LEMD3: variants seen among roughly 807,000 people sequenced by gnomAD.
LEMD3 encodes the protein inner nuclear membrane protein Man1.
Under a neutral mutation model 95.2 loss-of-function variants are expected in LEMD3, and 33 were observed. The ratio of observed to expected loss-of-function variants is 0.35; its 90% CI spans 0.26 to 0.46. LEMD3 has a LOEUF of 0.46. LEMD3 is among the 20% of genes least tolerant of loss of function. The pLI, the probability that LEMD3 is intolerant of heterozygous loss-of-function variation, is 1.00. For synonymous variants in LEMD3, 525 were observed against 474.6 expected, an observed-to-expected ratio of 1.11 and a Z score of -1.38; for missense variants, 1,210 against 1,192.8, an observed-to-expected ratio of 1.01 and a Z score of -0.21.
chr12:65,218,076 T>G (rs1870164007), intron 3 of LEMD3, among the ~76,000 whole-genome samples: 1 of 152,248 alleles, frequency 6.6e-6, no homozygotes, highest in Admixed American at 6.5e-5. Context: ...ATTAATAAAT[T>G]CAAACTTATT....
At chr12:65,245,638 G>T (rs1871082920) in intron 10 of LEMD3, 31 bp from the exon 11 acceptor site, 1 of 1,448,302 alleles carries the variant, frequency 6.9e-7, no homozygotes, top group Non-Finnish European at 9.7e-7. Flanking sequence ...TAGGAATATG[G>T]TTGTTGATTT....
At chr12:65,228,446 A>T (rs1291984763) in intron 4 of LEMD3, among the ~76,000 whole-genome samples, 7 of 148,294 alleles carry the variant, frequency 4.7e-5, no homozygotes, top group African/African-American at 1.7e-4. Flanking sequence ...CCCAGGCTGG[A>T]GTGCAGTGGC....
chr12:65,175,827 T>C (rs574001297), intron 1 of LEMD3, among the ~76,000 whole-genome samples: 2 of 152,204 alleles, frequency 1.3e-5, no homozygotes, highest in Non-Finnish European at 2.9e-5. Context: ...TATGTACCAA[T>C]ACCATCTGAC....
intron 4 of LEMD3, among the ~76,000 whole-genome samples, chr12:65,237,411 G>T (rs1447815357): frequency 6.6e-6 from 1 of 152,134 alleles, no homozygotes; most frequent in Non-Finnish European, 1.5e-5. Flanking sequence ...TCAGGTAATT[G>T]TAGATAGATA....
intron 1 of LEMD3, among the ~76,000 whole-genome samples, chr12:65,196,603 T>C (rs1412726923): frequency 6.6e-6 from 1 of 152,048 alleles, no homozygotes; most frequent in Non-Finnish European, 1.5e-5. Context: ...TAACTTACCT[T>C]ATATAAGACT....
chr12:65,183,690 A>G lies in LEMD3; in HGVS notation c.1522+12572A>G, dbSNP rs560517291. Among the ~76,000 whole-genome samples, 30 of 152,272 alleles carry G rather than the reference A, an allele frequency of 2.0e-4. No homozygotes were observed. In the East Asian group the frequency reaches 5.2e-3, roughly 26 times the overall value. ...TTTTTTGTTTCTGTTGCACTGTTTTAAAGCACTGCCACTAGCGTTTGGGCA... is the reference window on the plus strand; with the variant it reads ...TTTTTTGTTTCTGTTGCACTGTTTTGAAGCACTGCCACTAGCGTTTGGGCA... On this transcript the variant is annotated intron_variant, in intron 1 of 12. Transcript: ENST00000308330.
At chr12:65,228,932 C>T (rs1565796001) in intron 4 of LEMD3, among the ~76,000 whole-genome samples, 2 of 152,014 alleles carry the variant, frequency 1.3e-5, no homozygotes, top group Non-Finnish European at 2.9e-5. Context: ...GAATTTATTC[C>T]TCCTACCTAG....
intron 1 of LEMD3, 143 bp downstream of exon 1, chr12:65,171,261 ATCTT>A: frequency 7.0e-7 from 1 of 1,421,062 alleles, no homozygotes; most frequent in Middle Eastern, 1.8e-4. Context: ...TGCATGTGTC[ATCTT>A]TCTTAAAGAA....
chr12:65,206,277 T>C (rs1443853281), intron 1 of LEMD3, among the ~76,000 whole-genome samples: 1 of 152,184 alleles, frequency 6.6e-6, no homozygotes, highest in Admixed American at 6.5e-5. Context: ...GGCATCTGAA[T>C]GTAACTGCCT....
chr12:65,169,795 A>C lies in LEMD3; in HGVS notation c.199A>C (p.Asn67His), dbSNP rs551911988. ...GGRGNKTRNS[N>H]NNNTAAATVA... The stretch of plus-strand genomic sequence containing the variant: ...CCGCGGCAACAAGACGCGGAACAGT[A>C]ATAACAATAACACGGCAGCCGCCAC... Residue 67 changes from asparagine to histidine, a missense_variant, in exon 1 of 13, where the codon AAT (asparagine) becomes CAT (histidine). This residue lies in a region of LEMD3 where 749 missense variants were observed against 622.9 expected (regional missense o/e 1.20). Transcript: ENST00000308330. 6.5e-7 allele frequency: 1 copy of C among 1,547,868 alleles called. No individual in the cohort carries two copies. Among genetic ancestry groups the C allele is most frequent in the South Asian group, 1.2e-5 (1 of 84,464 alleles).
At chr12:65,178,820 T>TA (rs1868811654) in intron 1 of LEMD3, among the ~76,000 whole-genome samples, 1 of 152,190 alleles carries the variant, frequency 6.6e-6, no homozygotes, top group Non-Finnish European at 1.5e-5. Context: ...TTTTAATATG[T>TA]ATAAATAAGG....
rs1029975628 is a variant in LEMD3, at chr12:65,240,005, G to A, written c.1998G>A (p.Met666Ile). 4 of 1,608,840 alleles carry A rather than the reference G, an allele frequency of 2.5e-6. No individual in the cohort carries two copies. Among genetic ancestry groups the A allele is most frequent in the Non-Finnish European group, 3.4e-6 (4 of 1,175,422 alleles). The change falls in exon 7 of 13, where the codon ATG becomes ATA. Residue 666 changes from methionine to isoleucine, a missense_variant. Met to Ile is a conservative substitution (Grantham distance 10). Coordinates refer to ENST00000308330, the MANE Select transcript of LEMD3 (RefSeq NM_014319.5). Reference protein sequence around the residue: ...WTKEEEETRQMYDMVVKIIDV... With the variant: ...WTKEEEETRQIYDMVVKIIDV... ...AAGAAGAGGAGGAAACAAGGCAGAT[G>A]TATGATATGGTGGTAAAGATTATAG...
chr12:65,241,014 T>C lies in LEMD3; in HGVS notation c.2232T>C (p.Val744=), dbSNP rs1161562761. 1 of 1,614,118 alleles carries C rather than the reference T, an allele frequency of 6.2e-7. No homozygotes were observed. The highest frequency in any genetic ancestry group is 8.5e-7 in the Non-Finnish European group (1 of 1,179,974). ...GAATAGGTGGTGCAGATTTTCTGGT[T>C]TGGCGGTGGATCCAGCCTTCTGCAT... is the stretch of plus-strand genomic sequence containing the variant. The part of the protein sequence containing the change: ...TRRIGGADFL[V]WRWIQPSASC... Residue 744 remains valine, a synonymous_variant, in exon 9 of 13, where the codon GTT becomes GTC. Transcript: ENST00000308330.
chr12:65,185,488 T>G (rs1869033733), intron 1 of LEMD3, among the ~76,000 whole-genome samples: 1 of 152,064 alleles, frequency 6.6e-6, no homozygotes, highest in Non-Finnish European at 1.5e-5. Context: ...TCAATGGTAT[T>G]TCAATACTGC....
intron 1 of LEMD3, among the ~76,000 whole-genome samples, chr12:65,186,225 T>TC (rs1869057952): frequency 6.6e-6 from 1 of 152,066 alleles, no homozygotes; most frequent in African/African-American, 2.4e-5. Context: ...ATTTTTTTTT[T>TC]CTTTTACATT....
chr12:65,219,683 T>C (rs1047221586), intron 4 of LEMD3, among the ~76,000 whole-genome samples: 1 of 152,162 alleles, frequency 6.6e-6, no homozygotes, highest in Non-Finnish European at 1.5e-5. Flanking sequence ...TGACTGAAAC[T>C]CTATAGCCAT....
intron 1 of LEMD3, among the ~76,000 whole-genome samples, chr12:65,187,209 G>T (rs563525216): frequency 8.5e-5 from 13 of 152,174 alleles, no homozygotes; most frequent in African/African-American, 2.9e-4. Context: ...TACTTCAGGG[G>T]TTTGAGGGAG....
At chr12:65,212,128 A>T (rs1228560528) in intron 2 of LEMD3, among the ~76,000 whole-genome samples, 1 of 152,126 alleles carries the variant, frequency 6.6e-6, no homozygotes, top group Non-Finnish European at 1.5e-5. Context: ...AACAGAATAT[A>T]TGCAGGGCAA....
rs549092592 is a variant in LEMD3, at chr12:65,243,465, G to A, written c.2383G>A (p.Val795Ile). The change falls in exon 10 of 13, where the codon GTT (valine) becomes ATT (isoleucine). Residue 795 changes from valine to isoleucine, a missense_variant. Physicochemically the swap from Val to Ile is conservative, Grantham distance 29 (BLOSUM62 3). Around this residue, in one of 2 missense-constraint regions of LEMD3, gnomAD observed 461 missense variants for 569.8 expected, o/e 0.81. Transcript: ENST00000308330. ...AAAGATTCGGAATATGTTTGATCCC[G>A]TTATGTAAGTATTATGATCAGGGGT... ...CLKIRNMFDP[V>I]MEIGDQWHLA... 98 of 1,559,504 alleles carry A rather than the reference G, an allele frequency of 6.3e-5. 1 individual carries two copies. Among genetic ancestry groups the A allele is most frequent in the South Asian group, 6.0e-4 (54 of 89,858 alleles).
Sources: allele counts gnomAD v4.1 joint callset (sites outside exome capture counted in the v4.1 genomes callset), GRCh38; gene constraint gnomAD v4.1.1; regional missense constraint gnomAD v4.1.1; transcripts MANE v1.5; gene names NCBI Gene and HGNC (gene_info 2026-07-23, HGNC 2026-07-21).